The following FOXD4L1 variants were observed in gnomAD, a reference collection of about 807,000 sequenced individuals.
FOXD4L1 encodes forkhead box D4 like 1, also known as forkhead box protein D4-like 1.
Under a neutral mutation model 24.8 loss-of-function variants are expected in FOXD4L1, and 10 were observed. That is an observed-to-expected ratio of 0.40 (90% CI 0.25 to 0.68). The LOEUF is 0.68. FOXD4L1 is among the 30% of genes least tolerant of loss of function. The pLI is 0.37. For synonymous variants in FOXD4L1, 159 were observed against 256.4 expected, an observed-to-expected ratio of 0.62 and a Z score of 3.63; for missense variants, 364 against 572.4, an observed-to-expected ratio of 0.64 and a Z score of 3.72.
chr2:113,500,645 C>A lies in FOXD4L1; in HGVS notation c.*162C>A. 4.9e-6 allele frequency: 7 copies of A among 1,427,704 alleles called. 2 individuals are homozygous for A. The highest frequency in any genetic ancestry group is 6.5e-6 in the Non-Finnish European group (7 of 1,078,348). The allele number at this position is 1,427,704 out of a possible 1,614,324, so 88.4% of individuals were successfully genotyped here. On this transcript the variant is annotated 3_prime_UTR_variant, in exon 1 of 1. Coordinates refer to ENST00000306507, the Ensembl canonical transcript of FOXD4L1. ...CTCACTCCACCTTGCGCGGCCCATACTGGGCGTGTGCATCTGAATCCTGCT... is the reference window on the plus strand; with the variant it reads ...CTCACTCCACCTTGCGCGGCCCATAATGGGCGTGTGCATCTGAATCCTGCT...
In FOXD4L1 at chr2:113,500,297, C is replaced by T. The variant is rs771939839; in HGVS notation, c.1041C>T (p.Thr347=). ...GGGCTGCGCAGAGTTTGTCCCCGAC[C>T]GCGTGGAGCTACTGCCCCCTGCTCC... Residue 347 remains threonine, a synonymous_variant, in exon 1 of 1, where the codon ACC becomes ACT. Coordinates refer to ENST00000306507, the Ensembl canonical transcript of FOXD4L1. The T allele has an allele frequency of 2.0e-6, 3 of 1,535,842 alleles. No individual in the cohort carries two copies. The East Asian group carries it at 8.7e-5, about 45-fold the overall frequency.
exon 1 of FOXD4L1, chr2:113,499,499 C>A (rs201093847): frequency 3.1e-6 from 5 of 1,600,614 alleles, no homozygotes; most frequent in Non-Finnish European, 4.3e-6. Flanking sequence ...GCCCGAGCGA[C>A]CCCTCAGAGT....
At chr2:113,498,921 G>A in exon 1 of FOXD4L1, 2 of 526,174 alleles carry the variant, frequency 3.8e-6, no homozygotes, top group South Asian at 2.2e-5. Flanking sequence ...GGTGCGAGGA[G>A]GAGGGGGCTG....
At chr2:113,499,589 G>C (rs149561319) in exon 1 of FOXD4L1, 1 of 1,611,060 alleles carries the variant, frequency 6.2e-7, no homozygotes. Flanking sequence ...CCCCCTACTC[G>C]TACATCGCGC....
At chr2:113,499,588 C>T in exon 1 of FOXD4L1, 3 of 1,611,160 alleles carry the variant, frequency 1.9e-6, no homozygotes, top group Non-Finnish European at 1.7e-6. Context: ...CCCCCCTACT[C>T]GTACATCGCG....
chr2:113,499,646 C>T (rs760131453), exon 1 of FOXD4L1: 1 of 1,612,006 alleles, frequency 6.2e-7, no homozygotes, highest in African/African-American at 1.3e-5. Context: ...GCCTCACGCT[C>T]AGCGGCATCT....
Position 113,500,091 on chromosome 2 carries a change from G to A in FOXD4L1, c.835G>A (p.Gly279Arg), listed in dbSNP as rs1445149956. 7 of 1,578,624 alleles carry A rather than the reference G, an allele frequency of 4.4e-6. No individual in the cohort carries two copies. In the African/African-American group the frequency reaches 9.6e-5, roughly 22 times the overall value. ...ACTGCTCTCGGCCCCCGCCTATGCC[G>A]GGGCACCGAAGAAAGCAGAAGGCGC... The change falls in exon 1 of 1, where the codon GGG becomes AGG. Residue 279 changes from glycine (G) to arginine (R), a missense_variant. Physicochemically the swap from Gly to Arg is moderately radical, Grantham distance 125. Transcript: ENST00000306507.
At chr2:113,499,511 T>C (rs369108376) in exon 1 of FOXD4L1, 9 of 1,601,724 alleles carry the variant, frequency 5.6e-6, no homozygotes, top group Middle Eastern at 4.4e-4. Flanking sequence ...CCTCAGAGTT[T>C]GGCACCGAGT....
rs374556717 is a variant in FOXD4L1 at position 113,499,597 on chromosome 2, C to T, written c.341C>T (p.Ala114Val). 686 of 1,611,502 alleles carry T rather than the reference C, an allele frequency of 4.3e-4. 9 individuals are homozygous for T. In the South Asian group the frequency reaches 7.2e-3, roughly 17 times the overall value. ...GCAAAGCCCCCCTACTCGTACATCG[C>T]GCTCATCACCATGGCCATCCTGCAA... Residue 114 changes from alanine to valine, a missense_variant, in exon 1 of 1, where the codon GCG (alanine) becomes GTG (valine). Transcript: ENST00000306507.
chr2:113,499,981 C>T (rs1208615654), exon 1 of FOXD4L1: 1 of 1,535,372 alleles, frequency 6.5e-7, no homozygotes, highest in Non-Finnish European at 8.8e-7. Context: ...CCTGCCCTGC[C>T]GCAGCCAGTC....
exon 1 of FOXD4L1, chr2:113,499,218 G>A (rs1490305159): frequency 3.1e-6 from 5 of 1,611,688 alleles, no homozygotes; most frequent in East Asian, 2.2e-5. Flanking sequence ...CCAGGTGATC[G>A]GCCGCCACAT....
At chr2:113,499,066 T>C in exon 1 of FOXD4L1, 5 of 968,816 alleles carry the variant, frequency 5.2e-6, no homozygotes, top group Non-Finnish European at 7.6e-6. Context: ...TGAAGAAGCT[T>C]TTATAAAAGG....
exon 1 of FOXD4L1, chr2:113,500,648 G>C: frequency 1.4e-6 from 2 of 1,422,708 alleles, no homozygotes; most frequent in Non-Finnish European, 1.9e-6. Flanking sequence ...GCCCATACTG[G>C]GCGTGTGCAT....
rs1380720889 is a variant in FOXD4L1, at chr2:113,499,517, C to T, written c.261C>T (p.Thr87=). 9.4e-6 allele frequency: 15 copies of T among 1,603,224 alleles called. No individual in the cohort carries two copies. The African/African-American group carries it at 1.1e-4, about 12-fold the overall frequency. ...CGAGCGACCCCTCAGAGTTTGGCAC[C>T]GAGTTCAGGGCACCGCCAAGGTCTG... is the stretch of plus-strand genomic sequence containing the variant. The change falls in exon 1 of 1, where the codon ACC becomes ACT. Residue 87 remains threonine, a synonymous_variant. Transcript: ENST00000306507.
At chr2:113,500,047 C>T in exon 1 of FOXD4L1, 2 of 1,585,804 alleles carry the variant, frequency 1.3e-6, no homozygotes, top group Non-Finnish European at 1.7e-6. Context: ...CTGCTGCACC[C>T]GCATCCTCCT....
chr2:113,499,173 A>G, exon 1 of FOXD4L1: 1 of 1,610,624 alleles, frequency 6.2e-7, no homozygotes. Flanking sequence ...TTCTTGCAAC[A>G]TTCATCCCAG....
exon 1 of FOXD4L1, chr2:113,499,190 A>T (rs1682388997): frequency 6.2e-7 from 1 of 1,611,610 alleles, no homozygotes. Flanking sequence ...CCAGGCTTCC[A>T]GCTCAGCCCG....
chr2:113,499,298 G>A (rs1193259035), exon 1 of FOXD4L1: 4 of 1,605,744 alleles, frequency 2.5e-6, no homozygotes, highest in Middle Eastern at 2.3e-4. Context: ...CCACACCGCA[G>A]CGCAGCCTCC....
chr2:113,500,932 C>T, exon 1 of FOXD4L1: 1 of 279,450 alleles, frequency 3.6e-6, no homozygotes. Context: ...CATGTTCCCC[C>T]TTCTTCACTT....
Sources: allele counts gnomAD v4.1 joint callset, GRCh38; gene constraint gnomAD v4.1.1; transcripts MANE v1.5; gene names NCBI Gene and HGNC (gene_info 2026-07-23, HGNC 2026-07-21).